Variants in PLCL1 observed in about 807,000 individuals in gnomAD.
PLCL1 encodes the protein inactive phospholipase C-like protein 1.
Under a neutral mutation model 84.4 loss-of-function variants are expected in PLCL1, and 41 were observed. The observed-to-expected ratio is 0.49, with a 90% CI of 0.38 to 0.63. The LOEUF (loss-of-function observed/expected upper bound fraction) is 0.63, where lower values mean the gene tolerates loss of function less well. Among genes scored for constraint, PLCL1 ranks in the 30% least tolerant of loss-of-function variants. PLCL1 has a pLI of 0.00. For synonymous variants in PLCL1, 490 were observed against 488.3 expected (o/e 1.00, Z -0.05); for missense variants, 1,206 against 1,367.8 (o/e 0.88, Z 1.87).
At chr2:198,032,337 A>T (rs58409972) in intron 1 of PLCL1, among the ~76,000 whole-genome samples, 22,916 of 152,104 alleles carry the variant, frequency 0.15, 2,027 homozygotes, top group East Asian at 0.26. Context: ...AGAATAATAA[A>T]AAAAAAACTC....
At chr2:197,933,734 T>A (rs1688994763) in intron 1 of PLCL1, among the ~76,000 whole-genome samples, 1 of 152,094 alleles carries the variant, frequency 6.6e-6, no homozygotes. Flanking sequence ...GGAAGAAGGT[T>A]CTTGATGTGA....
At chr2:197,921,462 G>A (rs961730295) in intron 1 of PLCL1, among the ~76,000 whole-genome samples, 1 of 152,010 alleles carries the variant, frequency 6.6e-6, no homozygotes, top group African/African-American at 2.4e-5. Flanking sequence ...TATTGGCGTG[G>A]AAAAATGTCC....
intron 1 of PLCL1, among the ~76,000 whole-genome samples, chr2:197,841,951 A>G (rs1357222290): frequency 6.6e-6 from 1 of 152,204 alleles, no homozygotes; most frequent in African/African-American, 2.4e-5. Context: ...CATGTAGGGA[A>G]GATCTTCCCT....
intron 1 of PLCL1, among the ~76,000 whole-genome samples, chr2:197,880,878 C>A (rs905056271): frequency 3.3e-5 from 5 of 152,162 alleles, no homozygotes; most frequent in African/African-American, 1.2e-4. Context: ...TAGTGCCTGA[C>A]AATTTGCTAG....
chr2:197,805,079 G>A lies in PLCL1; in HGVS notation c.-21G>A. The A allele has an allele frequency of 7.0e-7, 1 of 1,423,456 alleles. No individual in the cohort carries two copies. The highest frequency in any genetic ancestry group is 9.1e-7 in the Non-Finnish European group (1 of 1,094,426). The allele number at this position is 1,423,456 out of a possible 1,614,324, so 88.2% of individuals were successfully genotyped here. A position where few individuals can be genotyped will look rare whatever the true frequency, so the allele number is the denominator to read the frequency against. On this transcript the variant is annotated 5_prime_UTR_variant, in exon 1 of 6. Coordinates refer to ENST00000428675, the MANE Select transcript of PLCL1 (RefSeq NM_006226.4). The surrounding 1 kb of genome is among the most constrained non-coding windows in gnomAD (Gnocchi z 4.0). The stretch of plus-strand genomic sequence containing the variant: ...GCCGGGCGTCCCGCTTTCCCCCGGG[G>A]AGCCCTAAACGCTCCAGGCCATGGC...
chr2:198,091,967 GCCTCACTGCCTCTCCCAA>G (rs996223477), intron 3 of PLCL1, among the ~76,000 whole-genome samples: 6 of 116,918 alleles, frequency 5.1e-5, no homozygotes, highest in African/African-American at 2.6e-4. Flanking sequence ...CGTCTCTCCA[GCCTCACTGCCTCTCCCAA>G]CCTCACCTGC....
intron 1 of PLCL1, among the ~76,000 whole-genome samples, chr2:197,901,879 G>A (rs1335845929): frequency 1.3e-5 from 2 of 152,048 alleles, no homozygotes; most frequent in East Asian, 3.9e-4. Context: ...CTCTCATTTC[G>A]ACTCCAAGTG....
rs1246132893 is a variant in PLCL1, at chr2:198,084,914, T to C, written c.1397T>C (p.Val466Ala). ...AATCGAAATAACATGACAACCCATG[T>C]TTCCTTTCGAAGTGTCATAGAGGTA... is the stretch of plus-strand genomic sequence containing the variant. Reference protein sequence around the residue: ...LCNRNNMTTHVSFRSVIEVIN... With the variant: ...LCNRNNMTTHASFRSVIEVIN... The change falls in exon 2 of 6, where the codon GTT becomes GCT. Residue 466 changes from valine to alanine, a missense_variant. Physicochemically the swap from Val to Ala is moderately conservative, Grantham distance 64 (BLOSUM62 0). Coordinates refer to ENST00000428675, the MANE Select transcript of PLCL1 (RefSeq NM_006226.4). 6.2e-7 allele frequency: 1 copy of C among 1,613,924 alleles called. No individual in the cohort carries two copies. The highest frequency in any genetic ancestry group is 8.5e-7 in the Non-Finnish European group (1 of 1,179,974).
Position 198,113,674 on chromosome 2 carries a change from C to T in PLCL1, c.3105+9738C>T, listed in dbSNP as rs751892986. Among the ~76,000 whole-genome samples the T allele has an allele frequency of 1.1e-3, 172 of 151,638 alleles. 1 individual carries two copies. The Middle Eastern group carries it at 0.014, about 12-fold the overall frequency. On this transcript the variant is annotated intron_variant, in intron 5 of 5. Coordinates refer to ENST00000428675, the MANE Select transcript of PLCL1 (RefSeq NM_006226.4). ...TATCTTGATACTTGAGTGTGGTTGC[C>T]AAAACAATTTGAAAATAATGGTGAA...
At chr2:197,881,521 C>CTGTGTGTGTGTGTATG (rs1553499116) in intron 1 of PLCL1, among the ~76,000 whole-genome samples, 15 of 151,020 alleles carry the variant, frequency 9.9e-5, no homozygotes, top group African/African-American at 3.4e-4. Context: ...GAACAGTGCT[C>CTGTGTGTGTGTGTATG]TGTGTGTGTG....
intron 3 of PLCL1, among the ~76,000 whole-genome samples, chr2:198,096,181 G>A (rs868457814): frequency 6.6e-6 from 1 of 152,058 alleles, no homozygotes; most frequent in African/African-American, 2.4e-5. Flanking sequence ...ACCTAAAAAG[G>A]GAAGTAGTCA....
At chr2:197,924,429 A>C (rs978725478) in intron 1 of PLCL1, among the ~76,000 whole-genome samples, 6 of 152,078 alleles carry the variant, frequency 3.9e-5, no homozygotes, top group Non-Finnish European at 7.3e-5. Flanking sequence ...TCACCTTTAG[A>C]TTTGAGTTAA....
At chr2:198,134,941 G>C (rs1057431405) in intron 5 of PLCL1, among the ~76,000 whole-genome samples, 1 of 152,202 alleles carries the variant, frequency 6.6e-6, no homozygotes. Context: ...TTTTTGGACG[G>C]ATCAAGTAAC....
At chr2:198,100,809 G>T (rs181215724) in intron 3 of PLCL1, among the ~76,000 whole-genome samples, 1 of 151,934 alleles carries the variant, frequency 6.6e-6, no homozygotes, top group East Asian at 1.9e-4. Flanking sequence ...TGGTGGGAGT[G>T]GGGTGGGGGA....
chr2:198,041,068 T>A (rs1258536222), intron 1 of PLCL1, among the ~76,000 whole-genome samples: 1 of 152,216 alleles, frequency 6.6e-6, no homozygotes, highest in African/African-American at 2.4e-5. Context: ...GCTCTGTGGC[T>A]GCCAGCAGTG....
chr2:197,972,425 A>T (rs934529364), intron 1 of PLCL1, among the ~76,000 whole-genome samples: 1 of 152,172 alleles, frequency 6.6e-6, no homozygotes, highest in Non-Finnish European at 1.5e-5. Flanking sequence ...TCCCCAAGAG[A>T]TGCGACCTTG....
chr2:198,089,061 G>T lies in PLCL1; in HGVS notation c.2919G>T (p.Leu973=). 6.2e-7 allele frequency: 1 copy of T among 1,611,582 alleles called. No homozygotes were observed. Among genetic ancestry groups the T allele is most frequent in the Non-Finnish European group, 8.5e-7 (1 of 1,177,800 alleles). ...VQKKMLTAYD[L]MIQESRFLIE... ...AAAAGATGCTGACTGCTTATGATCT[G>T]GTAGGAAATTGCGACTCCATATTTT... Residue 973 remains leucine, a splice_region_variant and synonymous_variant, in exon 3 of 6, where the codon CTG becomes CTT. Transcript: ENST00000428675.
intron 1 of PLCL1, among the ~76,000 whole-genome samples, chr2:197,828,758 T>C (rs1690987281): frequency 1.3e-5 from 2 of 152,176 alleles, no homozygotes; most frequent in African/African-American, 4.8e-5. Context: ...AAGCAAATAC[T>C]AAAAGCTGTT....
At chr2:197,820,947 T>C (rs1690803095) in intron 1 of PLCL1, among the ~76,000 whole-genome samples, 1 of 152,180 alleles carries the variant, frequency 6.6e-6, no homozygotes, top group South Asian at 2.1e-4. Flanking sequence ...TGTATTCTTA[T>C]TAATGGTTTC....
Sources: gnomAD v4.1 joint callset for allele counts (sites outside exome capture counted in the v4.1 genomes callset) on GRCh38, gnomAD v4.1.1 for gene constraint, Gnocchi (gnomAD v3.1) non-coding constraint, MANE v1.5 for transcripts, NCBI Gene and HGNC (gene_info 2026-07-23, HGNC 2026-07-21) for gene names.